LHFPL6: variants seen among roughly 807,000 people sequenced by gnomAD.
LHFPL6 encodes the protein LHFPL tetraspan subfamily member 6.
LHFPL6 carries 9 observed loss-of-function variants against 20.6 expected under a neutral mutation model. The observed-to-expected ratio is 0.44, with a 90% CI of 0.26 to 0.76. The LOEUF is 0.76. Among genes scored for constraint, LHFPL6 ranks in the 30% least tolerant of loss-of-function variants. The pLI, the probability that LHFPL6 is intolerant of heterozygous loss-of-function variation, is 0.20. For missense variants in LHFPL6, 218 were observed against 253.5 expected (o/e 0.86, Z 0.95); for synonymous variants, 105 against 98.7 (o/e 1.06, Z -0.38).
chr13:39,424,129 T>C (rs1045652108), intron 2 of LHFPL6, among the ~76,000 whole-genome samples: 2 of 152,206 alleles, frequency 1.3e-5, no homozygotes, highest in African/African-American at 2.4e-5. Flanking sequence ...AAAATAGTTA[T>C]AGAAAATTAT....
chr13:39,449,219 C>T lies in LHFPL6; in HGVS notation c.386-70693G>A, dbSNP rs73175127. Among the ~76,000 whole-genome samples, 1,021 of 152,252 alleles carry T rather than the reference C, an allele frequency of 6.7e-3. 11 individuals carry two copies. Among genetic ancestry groups the T allele is most frequent in the South Asian group, 0.01 (49 of 4,822 alleles). On this transcript the variant is annotated intron_variant, in intron 2 of 3. Transcript: ENST00000379589. ...CAGTGATATTCCTCACTACATTTCA[C>T]GACAGTTACTTGAAATATGCACTAA...
At chr13:39,452,282 C>A (rs564619689) in intron 2 of LHFPL6, among the ~76,000 whole-genome samples, 4 of 152,164 alleles carry the variant, frequency 2.6e-5, no homozygotes, top group African/African-American at 7.2e-5. Flanking sequence ...GAAAAACAAT[C>A]TTCAGCCGGT....
intron 3 of LHFPL6, among the ~76,000 whole-genome samples, chr13:39,373,597 G>A (rs1283791961): frequency 6.6e-6 from 1 of 152,152 alleles, no homozygotes; most frequent in African/African-American, 2.4e-5. Flanking sequence ...AACTATCCTG[G>A]GTCCTGACCA....
At chr13:39,425,789 T>C (rs1367332853) in intron 2 of LHFPL6, among the ~76,000 whole-genome samples, 1 of 152,210 alleles carries the variant, frequency 6.6e-6, no homozygotes, top group African/African-American at 2.4e-5. Flanking sequence ...TACAATATGC[T>C]AATATTTTCT....
At position 39,357,022 on chromosome 13, in the gene LHFPL6, G is replaced by A. The variant is rs569276587; in HGVS notation, c.485-12968C>T. Among the ~76,000 whole-genome samples, 30 of 152,014 alleles carry A rather than the reference G, an allele frequency of 2.0e-4. No individual in the cohort carries two copies. In the South Asian group the frequency reaches 4.6e-3, roughly 23 times the overall value. On this transcript the variant is annotated intron_variant, in intron 3 of 3. Transcript: ENST00000379589. ...CCATCTTTATTAAAAAATATAAAACGTTATCTGGGTGTGGTTGCATGAACC... is the reference window on the plus strand; with the variant it reads ...CCATCTTTATTAAAAAATATAAAACATTATCTGGGTGTGGTTGCATGAACC...
chr13:39,450,544 A>G (rs1302395774), intron 2 of LHFPL6, among the ~76,000 whole-genome samples: 2 of 152,090 alleles, frequency 1.3e-5, no homozygotes, highest in Non-Finnish European at 2.9e-5. Flanking sequence ...TGGCTATATA[A>G]AGAGATATCT....
chr13:39,568,353 G>GT (rs1225457408), intron 2 of LHFPL6, among the ~76,000 whole-genome samples: 1 of 151,768 alleles, frequency 6.6e-6, no homozygotes, highest in Admixed American at 6.6e-5. Flanking sequence ...TGAATATTGG[G>GT]TGAGCTTGCA....
At chr13:39,498,669 AT>A (rs1869179023) in intron 2 of LHFPL6, among the ~76,000 whole-genome samples, 1 of 152,196 alleles carries the variant, frequency 6.6e-6, no homozygotes, top group South Asian at 2.1e-4. Context: ...CAAATATCTA[AT>A]TTAACAAAGG....
At chr13:39,489,571 G>C (rs555829615) in intron 2 of LHFPL6, among the ~76,000 whole-genome samples, 2 of 151,566 alleles carry the variant, frequency 1.3e-5, no homozygotes, top group African/African-American at 2.4e-5. Context: ...GGAGGGGAGC[G>C]GGGGATAGGG....
chr13:39,524,653 GAATGGCACCA>G (rs1870230989), intron 2 of LHFPL6, among the ~76,000 whole-genome samples: 1 of 152,170 alleles, frequency 6.6e-6, no homozygotes, highest in African/African-American at 2.4e-5. Flanking sequence ...CACTTTGAAA[GAATGGCACCA>G]ATATCAACCA....
chr13:39,505,222 T>A (rs1440782317), intron 2 of LHFPL6, among the ~76,000 whole-genome samples: 2 of 152,190 alleles, frequency 1.3e-5, no homozygotes, highest in Non-Finnish European at 2.9e-5. Context: ...CAGGTATAGA[T>A]GTTATCAGCA....
intron 2 of LHFPL6, among the ~76,000 whole-genome samples, chr13:39,402,666 A>C (rs779599618): frequency 1.2e-4 from 18 of 152,248 alleles, no homozygotes; most frequent in Non-Finnish European, 2.4e-4. Context: ...AAGAGCACAG[A>C]AAATGCAGAC....
intron 2 of LHFPL6, among the ~76,000 whole-genome samples, chr13:39,512,505 G>A (rs1315944435): frequency 1.3e-5 from 2 of 151,566 alleles, no homozygotes; most frequent in Non-Finnish European, 2.9e-5. Flanking sequence ...GGGAGGCTGA[G>A]GCAGGAGAAT....
chr13:39,352,879 AAATGTATATATATGTG>A (rs1869611425), intron 3 of LHFPL6, among the ~76,000 whole-genome samples: 4 of 62,306 alleles, frequency 6.4e-5, no homozygotes, highest in South Asian at 6.9e-4. Flanking sequence ...ATATATATAT[AAATGTATATATATGTG>A]TATATATATA....
chr13:39,555,402 T>A (rs1203055156), intron 2 of LHFPL6, among the ~76,000 whole-genome samples: 1 of 152,058 alleles, frequency 6.6e-6, no homozygotes, highest in African/African-American at 2.4e-5. Flanking sequence ...CGATAGCGCT[T>A]TCTTTTAGGC....
chr13:39,460,149 A>G (rs1036266399), intron 2 of LHFPL6, among the ~76,000 whole-genome samples: 1 of 152,214 alleles, frequency 6.6e-6, no homozygotes, highest in Non-Finnish European at 1.5e-5. Context: ...TGTTTCAACC[A>G]AAAAGCTCAC....
intron 2 of LHFPL6, among the ~76,000 whole-genome samples, chr13:39,587,323 G>T (rs1035807659): frequency 6.6e-6 from 1 of 151,878 alleles, no homozygotes; most frequent in Admixed American, 6.6e-5. Context: ...ACAATTCCTT[G>T]GCTTTGAGGA....
intron 2 of LHFPL6, among the ~76,000 whole-genome samples, chr13:39,418,377 T>C (rs1392697863): frequency 1.6e-5 from 1 of 61,926 alleles, no homozygotes; most frequent in Non-Finnish European, 3.4e-5. Context: ...TAAAGTTTTT[T>C]TGGTCTTTTT....
chr13:39,352,474 G>A (rs1276804980), intron 3 of LHFPL6, among the ~76,000 whole-genome samples: 1 of 152,194 alleles, frequency 6.6e-6, no homozygotes, highest in Admixed American at 6.5e-5. Context: ...AACTCGGGCA[G>A]TTCCTGCCCT....
Sources: gnomAD v4.1 joint callset for allele counts (sites outside exome capture counted in the v4.1 genomes callset) on GRCh38, gnomAD v4.1.1 for gene constraint, MANE v1.5 for transcripts, NCBI Gene and HGNC (gene_info 2026-07-23, HGNC 2026-07-21) for gene names.